Variants in KHDRBS2 observed in about 807,000 individuals in gnomAD.
The protein encoded by KHDRBS2 is KH RNA binding domain containing, signal transduction associated 2.
KHDRBS2 carries 26 observed loss-of-function variants against 44.3 expected under a neutral mutation model. The ratio of observed to expected loss-of-function variants is 0.59; its 90% confidence interval spans 0.43 to 0.81. KHDRBS2 has a LOEUF of 0.81. Among genes scored for constraint, KHDRBS2 ranks in the 40% least tolerant of loss-of-function variants. The probability of loss-of-function intolerance (pLI) is 0.00; values close to 1 mark genes in which losing one functional copy is unlikely to be tolerated. For missense variants in KHDRBS2, 476 were observed against 433.1 expected (o/e 1.10, Z -0.88); for synonymous variants, 194 against 151.1 (o/e 1.28, Z -2.08).
At chr6:62,157,660 AT>A (rs1816756299) in intron 2 of KHDRBS2, among the ~76,000 whole-genome samples, 1 of 152,150 alleles carries the variant, frequency 6.6e-6, no homozygotes, top group Non-Finnish European at 1.5e-5. Context: ...TGTTTATATA[AT>A]TTTTATCATT....
the KHDRBS2 span, among the ~76,000 whole-genome samples, chr6:61,574,970 A>G: frequency 2.0e-5 from 3 of 152,196 alleles, no homozygotes; most frequent in Non-Finnish European, 1.5e-5. Context: ...TGTCAACTCA[A>G]GATGGATGAA....
chr6:62,058,931 T>C (rs934967586), intron 2 of KHDRBS2, among the ~76,000 whole-genome samples: 10 of 151,746 alleles, frequency 6.6e-5, no homozygotes, highest in African/African-American at 2.2e-4. Flanking sequence ...AAATAAAATA[T>C]GTAAAATTCA....
intron 6 of KHDRBS2, among the ~76,000 whole-genome samples, chr6:61,809,383 A>G (rs1787733158): frequency 6.6e-6 from 1 of 152,156 alleles, no homozygotes; most frequent in East Asian, 1.9e-4. Flanking sequence ...ACATGCTTTG[A>G]CATTTGGTTA....
chr6:62,012,505 T>C (rs1196796645), intron 3 of KHDRBS2, among the ~76,000 whole-genome samples: 1 of 152,220 alleles, frequency 6.6e-6, no homozygotes, highest in Non-Finnish European at 1.5e-5. Context: ...CAAACGCTTC[T>C]TTCTGGCTTA....
chr6:61,859,109 AC>A (rs1263331346), intron 6 of KHDRBS2, among the ~76,000 whole-genome samples: 1 of 151,832 alleles, frequency 6.6e-6, no homozygotes, highest in Non-Finnish European at 1.5e-5. Flanking sequence ...CTATATAAGT[AC>A]TATTTTAAAA....
At chr6:62,121,673 G>A (rs1807680742) in intron 2 of KHDRBS2, among the ~76,000 whole-genome samples, 1 of 152,142 alleles carries the variant, frequency 6.6e-6, no homozygotes, top group Non-Finnish European at 1.5e-5. Context: ...CCGGCTTTGT[G>A]CCAGAATCTT....
intron 1 of KHDRBS2, among the ~76,000 whole-genome samples, chr6:62,255,753 C>T (rs1362417615): frequency 6.6e-6 from 1 of 151,812 alleles, no homozygotes; most frequent in African/African-American, 2.4e-5. Context: ...ACTAGGTATA[C>T]TACTAGAGTA....
chr6:62,032,816 T>A (rs1419666203), intron 3 of KHDRBS2, among the ~76,000 whole-genome samples: 3 of 151,756 alleles, frequency 2.0e-5, no homozygotes, highest in Non-Finnish European at 4.4e-5. Flanking sequence ...CCAAAGAATA[T>A]CTACTATCAT....
At chr6:61,801,601 G>T (rs13437436) in intron 6 of KHDRBS2, among the ~76,000 whole-genome samples, 4,573 of 152,128 alleles carry the variant, frequency 0.03, 248 homozygotes, top group African/African-American at 0.11. Flanking sequence ...CAGACTGAAG[G>T]TGCCGCTGCT....
At chr6:61,702,143 A>G (rs1455044060) in intron 7 of KHDRBS2, among the ~76,000 whole-genome samples, 4 of 151,890 alleles carry the variant, frequency 2.6e-5, no homozygotes, top group South Asian at 2.1e-4. Flanking sequence ...TCTACAACCA[A>G]TCTGTCCCTT....
intron 4 of KHDRBS2, among the ~76,000 whole-genome samples, chr6:61,906,596 C>T (rs1805075967): frequency 6.6e-6 from 1 of 152,126 alleles, no homozygotes; most frequent in South Asian, 2.1e-4. Flanking sequence ...TACTCTATCT[C>T]CATGAGTTCA....
intron 2 of KHDRBS2, among the ~76,000 whole-genome samples, chr6:62,060,348 T>C (rs1005752452): frequency 2.0e-5 from 3 of 151,750 alleles, no homozygotes; most frequent in African/African-American, 7.3e-5. Flanking sequence ...ACGCTGACTT[T>C]AAATGTAAAT....
At chr6:61,550,491 A>G in the KHDRBS2 span, among the ~76,000 whole-genome samples, 3 of 152,180 alleles carry the variant, frequency 2.0e-5, no homozygotes, top group Non-Finnish European at 2.9e-5. Context: ...TAGTGCTGCA[A>G]GGAACAATAT....
chr6:61,902,283 A>G lies in KHDRBS2; in HGVS notation c.484-912T>C, dbSNP rs536019200. ...AATATTTAAACACAACAAATTTTCTATGAGTTCCAGTATTAGGCTAAGGGA... is the reference window on the plus strand; with the variant it reads ...AATATTTAAACACAACAAATTTTCTGTGAGTTCCAGTATTAGGCTAAGGGA... On this transcript the variant is annotated intron_variant, in intron 4 of 8. Coordinates refer to ENST00000281156, the MANE Select transcript of KHDRBS2 (RefSeq NM_152688.4). 3.9e-5 allele frequency among the ~76,000 whole-genome samples: 6 copies of G among 152,282 alleles called. No individual in the cohort carries two copies. In the East Asian group the frequency reaches 7.7e-4, roughly 20 times the overall value.
intron 4 of KHDRBS2, among the ~76,000 whole-genome samples, chr6:61,906,594 C>A (rs1479934280): frequency 6.6e-6 from 1 of 152,078 alleles, no homozygotes; most frequent in Non-Finnish European, 1.5e-5. Context: ...TCTACTCTAT[C>A]TCCATGAGTT....
At chr6:61,631,340 C>CAATA in the KHDRBS2 span, among the ~76,000 whole-genome samples, 1 of 77,642 alleles carries the variant, frequency 1.3e-5, no homozygotes, top group African/African-American at 4.6e-5. Flanking sequence ...AAAAAAAAGA[C>CAATA]AATACAGTGT....
chr6:62,143,906 T>C (rs1813385843), intron 2 of KHDRBS2, among the ~76,000 whole-genome samples: 1 of 151,904 alleles, frequency 6.6e-6, no homozygotes, highest in Admixed American at 6.6e-5. Context: ...AAATTTATGC[T>C]TTTTTAAGAT....
At chr6:62,141,920 T>C (rs1812901624) in intron 2 of KHDRBS2, among the ~76,000 whole-genome samples, 1 of 152,128 alleles carries the variant, frequency 6.6e-6, no homozygotes. Context: ...AATATGCCTT[T>C]CCTAAGCTTT....
the KHDRBS2 span, among the ~76,000 whole-genome samples, chr6:61,551,119 T>A: frequency 6.6e-6 from 1 of 152,118 alleles, no homozygotes; most frequent in Non-Finnish European, 1.5e-5. Flanking sequence ...CTTTAATGGT[T>A]AGTGATAAGC....
Sources: allele counts gnomAD v4.1 joint callset (sites outside exome capture counted in the v4.1 genomes callset), GRCh38; gene constraint gnomAD v4.1.1; transcripts MANE v1.5; gene names NCBI Gene and HGNC (gene_info 2026-07-23, HGNC 2026-07-21).